The following KIF6 variants were observed in gnomAD, a reference collection of about 807,000 sequenced individuals.
The protein encoded by KIF6 is kinesin-like protein KIF6.
In KIF6, 106 loss-of-function variants were observed where a neutral mutation model predicts 112.7. The observed-to-expected ratio is 0.94, with a 90% confidence interval of 0.80 to 1.11. KIF6 has a LOEUF of 1.11. KIF6 is among the 50% of genes least tolerant of loss of function. KIF6 has a pLI of 0.00. For missense variants in KIF6, 929 were observed against 964.0 expected (o/e 0.96, Z 0.48); for synonymous variants, 339 against 339.9 (o/e 1.00, Z 0.03).
chr6:39,413,926 AAAAT>A (rs1209382266), intron 15 of KIF6, among the ~76,000 whole-genome samples: 2 of 152,232 alleles, frequency 1.3e-5, no homozygotes, highest in African/African-American at 4.8e-5. Flanking sequence ...TGTGTTATTG[AAAAT>A]AAATGTGGTG....
intron 15 of KIF6, 94 bp downstream of exon 15, chr6:39,419,854 T>C (rs1020982548): frequency 1.6e-5 from 17 of 1,081,236 alleles, no homozygotes; most frequent in Admixed American, 1.0e-4. Context: ...AACTGGCCAT[T>C]TGGGGCTTCA....
At chr6:39,408,625 G>T (rs1769256928) in intron 15 of KIF6, among the ~76,000 whole-genome samples, 1 of 151,954 alleles carries the variant, frequency 6.6e-6, no homozygotes, top group African/African-American at 2.4e-5. Flanking sequence ...GTACATAGGT[G>T]CCTCTCTCTC....
intron 13 of KIF6, among the ~76,000 whole-genome samples, chr6:39,500,064 A>G (rs997038078): frequency 6.6e-6 from 1 of 152,170 alleles, no homozygotes; most frequent in African/African-American, 2.4e-5. Flanking sequence ...AGTGGCCATC[A>G]TCAGGGAAAG....
At chr6:39,390,735 T>C (rs901352699) in intron 15 of KIF6, among the ~76,000 whole-genome samples, 7 of 152,264 alleles carry the variant, frequency 4.6e-5, no homozygotes, top group Middle Eastern at 3.4e-3. Context: ...GTGGGGAGAA[T>C]ATGCAGAATA....
intron 16 of KIF6, among the ~76,000 whole-genome samples, chr6:39,377,366 C>G (rs1445335087): frequency 6.6e-6 from 1 of 151,216 alleles, no homozygotes; most frequent in Non-Finnish European, 1.5e-5. Context: ...CCCCATCCCC[C>G]CCCAACCCCG....
Position 39,609,489 on chromosome 6 carries a change from GTACACAGT to G in KIF6, c.639+3692_639+3699del, listed in dbSNP as rs1783089681. Among the ~76,000 whole-genome samples, 68 of 98,640 alleles carry G rather than the reference GTACACAGT, an allele frequency of 6.9e-4. No individual in the cohort carries two copies. In the South Asian group the frequency reaches 0.022, roughly 31 times the overall value. The allele number at this position is 98,640 out of a possible 152,430, so 64.7% of individuals were successfully genotyped here. ...CAGTATTCACTTCCTACAGCTGCCAGTACACAGTACAACAAACTGCTGAATAGGATGAA... is the reference window on the plus strand; with the variant it reads ...CAGTATTCACTTCCTACAGCTGCCAGACAACAAACTGCTGAATAGGATGAA... On this transcript the variant is annotated intron_variant, in intron 6 of 22. Coordinates refer to ENST00000287152, the MANE Select transcript of KIF6 (RefSeq NM_145027.6).
intron 13 of KIF6, among the ~76,000 whole-genome samples, chr6:39,461,962 T>C (rs2150424498): frequency 6.6e-6 from 1 of 151,468 alleles, no homozygotes; most frequent in South Asian, 2.1e-4. Context: ...ATTGCTTCCA[T>C]TTTATGCTTA....
At chr6:39,363,621 A>G (rs1765340016) in intron 16 of KIF6, among the ~76,000 whole-genome samples, 1 of 152,142 alleles carries the variant, frequency 6.6e-6, no homozygotes, top group Admixed American at 6.5e-5. Flanking sequence ...TCCACAGACA[A>G]CATCCTAGAA....
intron 15 of KIF6, among the ~76,000 whole-genome samples, chr6:39,412,591 TA>T (rs1300254798): frequency 6.6e-6 from 1 of 152,230 alleles, no homozygotes; most frequent in Non-Finnish European, 1.5e-5. Context: ...TCGGTTCTCT[TA>T]CAACCATGTT....
chr6:39,653,788 G>GA (rs562557493), intron 3 of KIF6, among the ~76,000 whole-genome samples: 32 of 152,208 alleles, frequency 2.1e-4, no homozygotes, highest in African/African-American at 5.5e-4. Flanking sequence ...TTGTGAGGCT[G>GA]AAAAAAATCC....
chr6:39,367,289 T>C (rs1308690764), intron 16 of KIF6, among the ~76,000 whole-genome samples: 1 of 152,048 alleles, frequency 6.6e-6, no homozygotes, highest in East Asian at 1.9e-4. Flanking sequence ...CAAAGGGCAT[T>C]TGAGTTTTGT....
At chr6:39,429,852 G>A in intron 14 of KIF6, among the ~76,000 whole-genome samples, 1 of 151,894 alleles carries the variant, frequency 6.6e-6, no homozygotes, top group Non-Finnish European at 1.5e-5. Flanking sequence ...AGGTTGCAGT[G>A]AGCCAAGATC....
chr6:39,424,307 A>C (rs1250169830), intron 14 of KIF6, among the ~76,000 whole-genome samples: 1 of 152,174 alleles, frequency 6.6e-6, no homozygotes, highest in Non-Finnish European at 1.5e-5. Flanking sequence ...TGACACCCCC[A>C]GGTGCTCCCC....
At chr6:39,606,714 C>T (rs1000197752) in intron 6 of KIF6, among the ~76,000 whole-genome samples, 1 of 152,200 alleles carries the variant, frequency 6.6e-6, no homozygotes, top group African/African-American at 2.4e-5. Context: ...GAGCCTACAT[C>T]ACTGATCATA....
chr6:39,548,520 A>G (rs907505936), intron 10 of KIF6, among the ~76,000 whole-genome samples: 2 of 152,260 alleles, frequency 1.3e-5, no homozygotes, highest in African/African-American at 4.8e-5. Flanking sequence ...TTGAGAACAC[A>G]AAGAAACATG....
chr6:39,440,520 T>TAATTAGAAG (rs1322175715), intron 13 of KIF6, among the ~76,000 whole-genome samples: 2 of 152,154 alleles, frequency 1.3e-5, no homozygotes, highest in African/African-American at 4.8e-5. Flanking sequence ...GTCACCTAAA[T>TAATTAGAAG]AATTAGAAGA....
At chr6:39,456,884 A>G (rs1464584908) in intron 13 of KIF6, among the ~76,000 whole-genome samples, 4 of 151,242 alleles carry the variant, frequency 2.6e-5, no homozygotes, top group African/African-American at 9.8e-5. Flanking sequence ...GTCCTGAGTG[A>G]CCTACAAAGA....
rs1554195076 is a variant in KIF6 at position 39,337,172 on chromosome 6, C to CTTCCTTCTTTCTTTCTTTCTTTCT, written c.2429-625_2429-624insAGAAAGAAAGAAAGAAAGAAGGAA. On this transcript the variant is annotated intron_variant, in intron 22 of 22. Transcript: ENST00000287152. ...TCTCTTTCTTTTCTTTCTTTCCTTCCTTCTTTCTTTCTTTCTTTCTTTCTT... is the reference window on the plus strand; with the variant it reads ...TCTCTTTCTTTTCTTTCTTTCCTTCCTTCCTTCTTTCTTTCTTTCTTTCTTTCTTTCTTTCTTTCTTTCTTTCTT... 3.6e-3 allele frequency among the ~76,000 whole-genome samples: 217 copies of CTTCCTTCTTTCTTTCTTTCTTTCT among 59,490 alleles called. 2 individuals are homozygous for CTTCCTTCTTTCTTTCTTTCTTTCT. The highest frequency in any genetic ancestry group is 0.018 in the Middle Eastern group (2 of 112). The allele number at this position is 59,490 out of a possible 152,430, so 39.0% of individuals were successfully genotyped here.
chr6:39,712,941 T>TA (rs1256430468), intron 3 of KIF6, among the ~76,000 whole-genome samples: 3 of 152,102 alleles, frequency 2.0e-5, no homozygotes, highest in Non-Finnish European at 4.4e-5. Flanking sequence ...CCCTAGAACT[T>TA]AAAGTAAAAT....
Sources: allele counts gnomAD v4.1 joint callset (sites outside exome capture counted in the v4.1 genomes callset), GRCh38; gene constraint gnomAD v4.1.1; transcripts MANE v1.5; gene names NCBI Gene and HGNC (gene_info 2026-07-23, HGNC 2026-07-21).